GATA4: variants seen among roughly 807,000 people sequenced by gnomAD.
The protein encoded by GATA4 is GATA binding protein 4.
In GATA4, 7 loss-of-function variants were observed where a neutral mutation model predicts 37.9. That is an observed-to-expected ratio of 0.18 (90% CI 0.11 to 0.35). The LOEUF is 0.35. GATA4 is among the 10% of genes least tolerant of loss of function. GATA4 has a pLI of 1.00. For missense variants in GATA4, 647 were observed against 653.0 expected, an observed-to-expected ratio of 0.99 and a Z score of 0.10; for synonymous variants, 372 against 292.6, an observed-to-expected ratio of 1.27 and a Z score of -2.77.
intron 2 of GATA4, among the ~76,000 whole-genome samples, chr8:11,721,522 C>G (rs951245463): frequency 1.3e-5 from 2 of 151,868 alleles, no homozygotes; most frequent in East Asian, 3.9e-4. Context: ...GCTGAGTCAC[C>G]CATTTCCCAT....
At chr8:11,697,269 G>C (rs901311898) in intron 1 of GATA4, among the ~76,000 whole-genome samples, 1 of 152,352 alleles carries the variant, frequency 6.6e-6, no homozygotes, top group Non-Finnish European at 1.5e-5. Context: ...GGACTAACGA[G>C]GGGGATGAGT....
chr8:11,733,627 C>A (rs6983129), intron 2 of GATA4, among the ~76,000 whole-genome samples: 78,569 of 152,098 alleles, frequency 0.52, 21,295 homozygotes, highest in African/African-American at 0.63. Context: ...TTAACAATGC[C>A]AAACTAATAA....
chr8:11,708,629 C>T lies in GATA4; in HGVS notation c.317C>T (p.Pro106Leu), dbSNP rs1800010393. 9.7e-6 allele frequency: 13 copies of T among 1,338,420 alleles called. No homozygotes were observed. Among genetic ancestry groups the T allele is most frequent in the Non-Finnish European group, 1.2e-5 (13 of 1,046,384 alleles). The allele number at this position is 1,338,420 out of a possible 1,614,324, so 82.9% of individuals were successfully genotyped here. A position where few individuals can be genotyped will look rare whatever the true frequency, so the allele number is the denominator to read the frequency against. Residue 106 changes from proline (P) to leucine (L), a missense_variant, in exon 2 of 7, where the codon CCG becomes CTG. Coordinates refer to ENST00000532059, the MANE Select transcript of GATA4 (RefSeq NM_001308093.3). This position sits in a 1 kb window ranked among gnomAD's most constrained non-coding sequence, Gnocchi z 6.7. ...GAAYTPPPVS[P>L]RFSFPGTTGS... ...GCTTACACCCCGCCGCCGGTGTCGC[C>T]GCGCTTCTCCTTCCCGGGGACCACC...
chr8:11,688,114 C>G (rs532836159), upstream of GATA4, among the ~76,000 whole-genome samples: 1 of 152,312 alleles, frequency 6.6e-6, no homozygotes, highest in South Asian at 2.1e-4. Context: ...ATTCATCTCT[C>G]ATTTATCATC....
chr8:11,691,369 C>G (rs1351431323), upstream of GATA4, among the ~76,000 whole-genome samples: 1 of 152,228 alleles, frequency 6.6e-6, no homozygotes, highest in East Asian at 1.9e-4. Flanking sequence ...GGTGCCATCA[C>G]TGCTCACTGC....
intron 2 of GATA4, among the ~76,000 whole-genome samples, chr8:11,727,375 G>A (rs1800977859): frequency 6.6e-6 from 1 of 152,168 alleles, no homozygotes. Context: ...GGCCATATAA[G>A]CAGCTGTTCC....
chr8:11,684,203 T>C (rs1462464196), intron 1 of GATA4, among the ~76,000 whole-genome samples: 2 of 152,172 alleles, frequency 1.3e-5, no homozygotes, highest in Admixed American at 6.5e-5. Flanking sequence ...AACCTTCCTC[T>C]GATGTTATGG....
intron 1 of GATA4, among the ~76,000 whole-genome samples, chr8:11,687,393 C>T (rs1799171977): frequency 1.3e-5 from 2 of 152,090 alleles, no homozygotes. Flanking sequence ...GTAATAATCT[C>T]CACCTGTAAT....
rs867048210 is a variant in GATA4 at position 11,692,991 on chromosome 8, G to A, written c.-729+331G>A. On this transcript the variant is annotated intron_variant, in intron 1 of 2. Transcript: ENST00000526974. ...CGGCCCCGCGGCCATCCATCACCCG[G>A]GCTGCACCCCCGGCCGCGCACCGAG... 6.1e-6 allele frequency: 6 copies of A among 985,262 alleles called. No individual in the cohort carries two copies. In the African/African-American group the frequency reaches 8.7e-5, roughly 14 times the overall value. The allele number at this position is 985,262 out of a possible 1,614,324, so 61.0% of individuals were successfully genotyped here.
At chr8:11,694,589 T>C (rs1799449030) in intron 1 of GATA4, 1 of 817,852 alleles carries the variant, frequency 1.2e-6, no homozygotes, top group Non-Finnish European at 1.5e-6. Context: ...AGCCAAACTG[T>C]CTGCTTTGTT....
chr8:11,756,886 C>A, intron 5 of GATA4, 49 bp from the exon 6 acceptor site: 1 of 1,613,764 alleles, frequency 6.2e-7, no homozygotes, highest in South Asian at 1.1e-5. Flanking sequence ...GCCGGCTGTT[C>A]GTTTGTCCCT....
chr8:11,701,232 C>G (rs1799664578), upstream of GATA4, among the ~76,000 whole-genome samples: 1 of 135,180 alleles, frequency 7.4e-6, no homozygotes, highest in Non-Finnish European at 1.6e-5. Flanking sequence ...GGTCATTAGA[C>G]CCAGGTTCTT....
At chr8:11,756,135 C>G (rs139623143) in intron 5 of GATA4, among the ~76,000 whole-genome samples, 10 of 152,264 alleles carry the variant, frequency 6.6e-5, no homozygotes, top group African/African-American at 2.2e-4. Flanking sequence ...CTGGTCGGTG[C>G]TGCAGTCACA....
intron 1 of GATA4, among the ~76,000 whole-genome samples, chr8:11,678,527 A>T (rs1178604916): frequency 6.6e-6 from 1 of 152,178 alleles, no homozygotes; most frequent in African/African-American, 2.4e-5. Flanking sequence ...AAATAAGGGA[A>T]ATTGAAAGGG....
At chr8:11,734,164 A>G (rs1002954256) in intron 2 of GATA4, among the ~76,000 whole-genome samples, 3 of 152,232 alleles carry the variant, frequency 2.0e-5, no homozygotes, top group African/African-American at 7.2e-5. Context: ...TATATCTCCT[A>G]TATCCTAGAT....
chr8:11,726,855 C>G (rs1398029824), intron 2 of GATA4, among the ~76,000 whole-genome samples: 2 of 152,198 alleles, frequency 1.3e-5, no homozygotes, highest in Non-Finnish European at 2.9e-5. Context: ...TACATTCCAT[C>G]AGTGTTCTGG....
intron 2 of GATA4, among the ~76,000 whole-genome samples, chr8:11,743,089 G>A (rs879893921): frequency 3.3e-5 from 5 of 152,216 alleles, no homozygotes; most frequent in East Asian, 1.9e-4. Context: ...CACTGTTGAC[G>A]TGTCTCTCCC....
rs1224535027 is a variant in GATA4, at chr8:11,709,215, C to T, written c.616+287C>T. Among the ~76,000 whole-genome samples, 1 of 152,222 alleles carries T rather than the reference C, an allele frequency of 6.6e-6. No individual in the cohort carries two copies. The highest frequency in any genetic ancestry group is 1.5e-5 in the Non-Finnish European group (1 of 68,034). ...CGCCATCCCAGACATCGACCGTGGC[C>T]GCGCTGCGCTGTGGGTGACGCGGGA... On this transcript the variant is annotated intron_variant, in intron 2 of 6. Transcript: ENST00000532059. The surrounding 1 kb of genome is among the most constrained non-coding windows in gnomAD (Gnocchi z 4.3).
intron 1 of GATA4, among the ~76,000 whole-genome samples, chr8:11,695,536 C>A (rs1799481274): frequency 6.6e-6 from 1 of 152,202 alleles, no homozygotes; most frequent in Non-Finnish European, 1.5e-5. Flanking sequence ...CAGTCCTACG[C>A]TCAAGGGGCC....
Sources: allele counts gnomAD v4.1 joint callset (sites outside exome capture counted in the v4.1 genomes callset), GRCh38; gene constraint gnomAD v4.1.1; non-coding constraint Gnocchi (gnomAD v3.1); transcripts MANE v1.5; gene names NCBI Gene and HGNC (gene_info 2026-07-23, HGNC 2026-07-21).